Variants in FHIT observed in about 807,000 individuals in gnomAD.
FHIT encodes the protein fragile histidine triad diadenosine triphosphatase.
Under a neutral mutation model 17.9 loss-of-function variants are expected in FHIT, and 19 were observed. The observed-to-expected ratio is 1.06, with a 90% confidence interval of 0.74 to 1.56. FHIT has a LOEUF of 1.56. Ranked by LOEUF, FHIT falls within the 40% of genes most tolerant of loss-of-function variation. The pLI, the probability that FHIT is intolerant of heterozygous loss-of-function variation, is 0.00. For synonymous variants in FHIT, 81 were observed against 69.7 expected (o/e 1.16, Z -0.81); for missense variants, 248 against 189.2 (o/e 1.31, Z -1.82).
intron 5 of FHIT, among the ~76,000 whole-genome samples, chr3:60,284,367 G>A (rs1235430962): frequency 2.0e-5 from 3 of 152,094 alleles, no homozygotes; most frequent in African/African-American, 7.2e-5. Context: ...ACTGAACACA[G>A]TTCCAAACAT....
At chr3:60,877,978 C>T (rs908799816) in intron 3 of FHIT, among the ~76,000 whole-genome samples, 2 of 152,066 alleles carry the variant, frequency 1.3e-5, no homozygotes, top group Non-Finnish European at 2.9e-5. Flanking sequence ...CTAAATTTAC[C>T]ACTACATAGT....
chr3:60,330,434 G>A (rs1257132609), intron 5 of FHIT, among the ~76,000 whole-genome samples: 1 of 152,098 alleles, frequency 6.6e-6, no homozygotes, highest in Non-Finnish European at 1.5e-5. Flanking sequence ...GACAACCACC[G>A]GTATAAAGAA....
At chr3:59,752,010 A>G in intron 9 of FHIT, 1 of 435,050 alleles carries the variant, frequency 2.3e-6, no homozygotes, top group Non-Finnish European at 4.1e-6. Flanking sequence ...TTGGAAGAAG[A>G]GAGTGAAGAG....
In FHIT at chr3:61,023,198, A is replaced by T. The variant is rs2032547336; in HGVS notation, c.-111+18849T>A. ...ATCACAAGCATTCCTACACACCAAT[A>T]ATAGACAAACAGAGAGCCAAATTAT... On this transcript the variant is annotated intron_variant, in intron 3 of 9. Transcript: ENST00000492590. Among the ~76,000 whole-genome samples, 3 of 152,232 alleles carry T rather than the reference A, an allele frequency of 2.0e-5. No homozygotes were observed. The South Asian group carries it at 6.2e-4, about 31-fold the overall frequency.
At chr3:60,309,059 T>G (rs1320533929) in intron 5 of FHIT, among the ~76,000 whole-genome samples, 2 of 152,146 alleles carry the variant, frequency 1.3e-5, no homozygotes, top group African/African-American at 4.8e-5. Context: ...GTAAACAGGA[T>G]TCATTAGAGT....
intron 8 of FHIT, among the ~76,000 whole-genome samples, chr3:59,842,553 AT>A (rs1240812221): frequency 2.8e-4 from 42 of 152,210 alleles, no homozygotes; most frequent in Admixed American, 5.2e-4. Flanking sequence ...ATGAGTTCCA[AT>A]TTCTCCATAT....
intron 5 of FHIT, among the ~76,000 whole-genome samples, chr3:60,220,036 G>A (rs1703891963): frequency 1.3e-5 from 2 of 152,020 alleles, no homozygotes; most frequent in Non-Finnish European, 2.9e-5. Context: ...GCTTATTTTG[G>A]CAAGAAAGTG....
intron 1 of FHIT, among the ~76,000 whole-genome samples, chr3:61,232,485 A>T (rs2040131262): frequency 6.6e-6 from 1 of 152,200 alleles, no homozygotes; most frequent in Non-Finnish European, 1.5e-5. Context: ...AATTTCCCAT[A>T]TATGCCCACC....
At chr3:60,803,083 C>G (rs1447926) in intron 4 of FHIT, among the ~76,000 whole-genome samples, 104,882 of 152,014 alleles carry the variant, frequency 0.69, 38,588 homozygotes, top group East Asian at 0.85. Flanking sequence ...CTTGCCATTT[C>G]TGGTGATCAG....
chr3:60,090,163 C>T (rs1430225043), intron 5 of FHIT, among the ~76,000 whole-genome samples: 1 of 152,068 alleles, frequency 6.6e-6, no homozygotes, highest in Non-Finnish European at 1.5e-5. Flanking sequence ...CAATGGTCTA[C>T]ATGACAATGC....
chr3:59,794,163 G>C (rs983207343), intron 8 of FHIT, among the ~76,000 whole-genome samples: 4 of 152,066 alleles, frequency 2.6e-5, no homozygotes, highest in African/African-American at 4.8e-5. Context: ...AATATCACAC[G>C]ATCTGAGAAC....
chr3:60,055,219 G>A (rs1457941641), intron 5 of FHIT, among the ~76,000 whole-genome samples: 1 of 152,088 alleles, frequency 6.6e-6, no homozygotes, highest in African/African-American at 2.4e-5. Flanking sequence ...CACCACTGGG[G>A]TTCTTCAGGA....
At chr3:61,031,851 C>T (rs181278152) in intron 3 of FHIT, among the ~76,000 whole-genome samples, 31 of 152,302 alleles carry the variant, frequency 2.0e-4, no homozygotes, top group Admixed American at 1.6e-3. Context: ...AGGACCACCA[C>T]CAACTGTGAT....
At chr3:60,567,093 G>T (rs1293788325) in intron 4 of FHIT, among the ~76,000 whole-genome samples, 6 of 149,984 alleles carry the variant, frequency 4.0e-5, no homozygotes, top group African/African-American at 1.2e-4. Context: ...TTTCTTCACA[G>T]AATTGGAAAA....
chr3:60,772,205 T>G (rs935391824), intron 4 of FHIT, among the ~76,000 whole-genome samples: 1 of 151,874 alleles, frequency 6.6e-6, no homozygotes, highest in African/African-American at 2.4e-5. Context: ...CCCCATGATG[T>G]GCACACAGGA....
chr3:59,902,481 A>G (rs1443421598), intron 8 of FHIT, among the ~76,000 whole-genome samples: 2 of 152,108 alleles, frequency 1.3e-5, no homozygotes, highest in African/African-American at 2.4e-5. Flanking sequence ...TCCAAAAGAG[A>G]TATCTCCACT....
chr3:59,804,507 C>T (rs1700119351), intron 8 of FHIT, among the ~76,000 whole-genome samples: 1 of 152,196 alleles, frequency 6.6e-6, no homozygotes, highest in Non-Finnish European at 1.5e-5. Context: ...AATGAAAGTA[C>T]ACTCCACAGG....
chr3:60,386,143 C>A (rs1271776133), intron 5 of FHIT, among the ~76,000 whole-genome samples: 1 of 151,986 alleles, frequency 6.6e-6, no homozygotes, highest in Non-Finnish European at 1.5e-5. Context: ...AGATTTGAGC[C>A]CCGGCAGTGT....
chr3:60,937,857 C>A (rs368905958), intron 3 of FHIT, among the ~76,000 whole-genome samples: 1 of 152,080 alleles, frequency 6.6e-6, no homozygotes, highest in East Asian at 1.9e-4. Flanking sequence ...CCACCACGCC[C>A]GGCCCTCTGC....
Sources: gnomAD v4.1 joint callset for allele counts (sites outside exome capture counted in the v4.1 genomes callset) on GRCh38, gnomAD v4.1.1 for gene constraint, MANE v1.5 for transcripts, NCBI Gene and HGNC (gene_info 2026-07-23, HGNC 2026-07-21) for gene names.